ASIC2: variants seen among roughly 807,000 people sequenced by gnomAD.
ASIC2 encodes acid-sensing ion channel 2.
In ASIC2, 25 loss-of-function variants were observed where a neutral mutation model predicts 57.3. The observed-to-expected ratio is 0.44, with a 90% CI of 0.32 to 0.61. ASIC2 has a LOEUF of 0.61. ASIC2 is among the 20% of genes least tolerant of loss of function. The probability of loss-of-function intolerance (pLI) is 0.06; values close to 1 mark genes in which losing one functional copy is unlikely to be tolerated. For synonymous variants in ASIC2, 319 were observed against 307.5 expected, an observed-to-expected ratio of 1.04 and a Z score of -0.39; for missense variants, 641 against 738.1, an observed-to-expected ratio of 0.87 and a Z score of 1.52.
chr17:33,038,810 A>G (rs1380128732), intron 3 of ASIC2, among the ~76,000 whole-genome samples: 1 of 152,122 alleles, frequency 6.6e-6, no homozygotes, highest in Non-Finnish European at 1.5e-5. Context: ...TCAATCATTG[A>G]TTTTTCCAGC....
chr17:33,455,092 C>A (rs950385137), intron 1 of ASIC2, among the ~76,000 whole-genome samples: 4 of 152,198 alleles, frequency 2.6e-5, no homozygotes, highest in African/African-American at 9.7e-5. Context: ...GGAGAGGAGG[C>A]TTTTGTTGTA....
At chr17:33,089,458 A>C (rs143359125) in intron 2 of ASIC2, among the ~76,000 whole-genome samples, 52 of 152,130 alleles carry the variant, frequency 3.4e-4, no homozygotes, top group Non-Finnish European at 1.8e-4. Context: ...GATTTTATTG[A>C]GCCTAGGGAA....
intron 1 of ASIC2, among the ~76,000 whole-genome samples, chr17:33,981,239 C>A (rs531912862): frequency 6.6e-6 from 1 of 152,108 alleles, no homozygotes; most frequent in Non-Finnish European, 1.5e-5. Flanking sequence ...CGTGAGCCAC[C>A]GCACCCAGCC....
At chr17:33,237,205 A>G (rs1460885701) in intron 1 of ASIC2, among the ~76,000 whole-genome samples, 1 of 152,190 alleles carries the variant, frequency 6.6e-6, no homozygotes, top group East Asian at 1.9e-4. Flanking sequence ...GGCTTCCAAA[A>G]AAGTCCCAAG....
chr17:33,579,136 A>T (rs929983035), intron 1 of ASIC2, among the ~76,000 whole-genome samples: 1 of 151,830 alleles, frequency 6.6e-6, no homozygotes, highest in Non-Finnish European at 1.5e-5. Context: ...AATATAAAAC[A>T]GTAGCCAGGC....
chr17:34,008,712 C>T (rs1478541039), intron 1 of ASIC2, among the ~76,000 whole-genome samples: 1 of 152,184 alleles, frequency 6.6e-6, no homozygotes. Flanking sequence ...TGTATGGAGG[C>T]CCTTCCCTCC....
In ASIC2 at chr17:33,021,171, C is replaced by T; in HGVS notation, c.1441+48G>A. Reference sequence around the variant, plus strand: ...ATCCACCTGTGCATCCTCCCTCCCTCCCACCCTCTATGAGATGTGGAAATT... The same window carrying T: ...ATCCACCTGTGCATCCTCCCTCCCTTCCACCCTCTATGAGATGTGGAAATT... On this transcript the variant is annotated intron_variant, in intron 7 of 9. Coordinates refer to ENST00000225823, the MANE Select transcript of ASIC2 (RefSeq NM_183377.2). 6.0e-6 allele frequency: 4 copies of T among 671,712 alleles called. 1 individual carries two copies. The highest frequency in any genetic ancestry group is 1.1e-5 in the Non-Finnish European group (4 of 368,468). 41.6% of individuals were successfully genotyped at this position (671,712 alleles called of 1,614,324 possible). A position where few individuals can be genotyped will look rare whatever the true frequency, so the allele number is the denominator to read the frequency against.
intron 1 of ASIC2, among the ~76,000 whole-genome samples, chr17:34,049,387 C>G (rs968825708): frequency 6.6e-6 from 1 of 152,148 alleles, no homozygotes; most frequent in African/African-American, 2.4e-5. Flanking sequence ...CTGAGTTGAA[C>G]TAAGGTCCAA....
intron 3 of ASIC2, among the ~76,000 whole-genome samples, chr17:33,083,087 G>A (rs1164918498): frequency 6.6e-6 from 1 of 152,158 alleles, no homozygotes; most frequent in Non-Finnish European, 1.5e-5. Context: ...TTTTTAATGG[G>A]ACAGTTGGCA....
chr17:33,564,229 C>T (rs1916164647), intron 1 of ASIC2, among the ~76,000 whole-genome samples: 1 of 152,180 alleles, frequency 6.6e-6, no homozygotes, highest in South Asian at 2.1e-4. Context: ...GCCTGCATCC[C>T]TATCTCCAAG....
At chr17:33,399,583 C>T (rs546697013) in intron 1 of ASIC2, among the ~76,000 whole-genome samples, 28 of 152,336 alleles carry the variant, frequency 1.8e-4, no homozygotes, top group African/African-American at 6.7e-4. Context: ...TGCTGGCCAC[C>T]ATATGCAGGC....
chr17:33,724,979 C>T (rs1473202694), intron 1 of ASIC2, among the ~76,000 whole-genome samples: 1 of 152,220 alleles, frequency 6.6e-6, no homozygotes, highest in Non-Finnish European at 1.5e-5. Context: ...ACTGAACATG[C>T]AGCTGCTGGT....
intron 1 of ASIC2, among the ~76,000 whole-genome samples, chr17:33,566,601 A>G (rs114682054): frequency 4.6e-5 from 7 of 152,252 alleles, no homozygotes; most frequent in African/African-American, 1.7e-4. Flanking sequence ...GTGCTATAGT[A>G]TATTCCCCCT....
intron 1 of ASIC2, among the ~76,000 whole-genome samples, chr17:33,944,865 A>G (rs1045215488): frequency 3.9e-4 from 59 of 152,198 alleles, no homozygotes; most frequent in African/African-American, 1.3e-3. Context: ...ATCTCCACCA[A>G]TGCGTAAAAT....
intron 1 of ASIC2, among the ~76,000 whole-genome samples, chr17:34,144,770 G>A (rs1912372915): frequency 6.6e-6 from 1 of 152,160 alleles, no homozygotes; most frequent in African/African-American, 2.4e-5. Flanking sequence ...ACCTCATTAT[G>A]TTATTATCTC....
chr17:33,179,408 A>T (rs545190167), intron 1 of ASIC2, among the ~76,000 whole-genome samples: 1 of 152,344 alleles, frequency 6.6e-6, no homozygotes, highest in East Asian at 1.9e-4. Flanking sequence ...GTCAGCCGGC[A>T]TATGGATTCC....
chr17:33,778,274 T>C (rs2142126080), intron 1 of ASIC2, among the ~76,000 whole-genome samples: 1 of 152,124 alleles, frequency 6.6e-6, no homozygotes, highest in Admixed American at 6.5e-5. Flanking sequence ...AAAAGAAAAA[T>C]ATGGATGCTG....
intron 1 of ASIC2, among the ~76,000 whole-genome samples, chr17:33,680,360 T>C (rs1261378226): frequency 1.3e-5 from 2 of 152,138 alleles, no homozygotes; most frequent in African/African-American, 2.4e-5. Context: ...ACCCTGGCTC[T>C]GGGAAGGAGC....
intron 1 of ASIC2, among the ~76,000 whole-genome samples, chr17:34,080,595 G>C (rs1199198802): frequency 6.6e-6 from 1 of 152,226 alleles, no homozygotes; most frequent in Non-Finnish European, 1.5e-5. Flanking sequence ...CCTGCAGAGG[G>C]AAGGATGGGC....
Sources: gnomAD v4.1 joint callset for allele counts (sites outside exome capture counted in the v4.1 genomes callset) on GRCh38, gnomAD v4.1.1 for gene constraint, MANE v1.5 for transcripts, NCBI Gene and HGNC (gene_info 2026-07-23, HGNC 2026-07-21) for gene names.